Variants in MAP3K13 observed in about 807,000 individuals in gnomAD.
MAP3K13 encodes mitogen-activated protein kinase kinase kinase 13.
A neutral mutation model predicts 104.0 loss-of-function variants in MAP3K13; 52 were observed. That is an observed-to-expected ratio of 0.50 (90% CI 0.40 to 0.63). The LOEUF (loss-of-function observed/expected upper bound fraction) is 0.63. MAP3K13 is among the 20% of genes least tolerant of loss of function. The pLI, the probability that MAP3K13 is intolerant of heterozygous loss-of-function variation, is 0.00. For synonymous variants in MAP3K13, 394 were observed against 442.2 expected (o/e 0.89, Z 1.37); for missense variants, 914 against 1,218.5 (o/e 0.75, Z 3.72).
chr3:185,355,178 A>G (rs972299632), intron 2 of MAP3K13, among the ~76,000 whole-genome samples: 8 of 152,180 alleles, frequency 5.3e-5, no homozygotes, highest in Non-Finnish European at 1.0e-4. Flanking sequence ...TAATATAATG[A>G]AGATACATTA....
chr3:185,473,355 C>A lies in MAP3K13; in HGVS notation c.2024C>A (p.Pro675Gln). Residue 675 changes from proline (P) to glutamine (Q), a missense_variant, in exon 11 of 14, where the codon CCA (proline) becomes CAA (glutamine). Physicochemically the swap from Pro to Gln is moderately conservative, Grantham distance 76. Transcript: ENST00000265026. This position sits in a 1 kb window ranked among gnomAD's most constrained non-coding sequence, Gnocchi z 4.9. ...GCCAACAACCTGAGGTATTTCGGCC[C>A]AGCAGCAGCCCTGCGGAGCCCACTC... is the stretch of plus-strand genomic sequence containing the variant. ...TCANNLRYFG[P>Q]AAALRSPLSN... 1 of 1,614,218 alleles carries A rather than the reference C, an allele frequency of 6.2e-7. No homozygotes were observed. The highest frequency in any genetic ancestry group is 8.5e-7 in the Non-Finnish European group (1 of 1,180,036).
chr3:185,303,879 AT>A (rs950438907), intron 2 of MAP3K13, among the ~76,000 whole-genome samples: 16 of 149,344 alleles, frequency 1.1e-4, no homozygotes, highest in Admixed American at 2.7e-4. Flanking sequence ...TTAGTTTATA[AT>A]TTTTTTTTGG....
At chr3:185,442,637 G>C (rs2148892157) in intron 3 of MAP3K13, among the ~76,000 whole-genome samples, 1 of 150,474 alleles carries the variant, frequency 6.6e-6, no homozygotes, top group East Asian at 2.0e-4. Context: ...AGGCTCAAGT[G>C]ATTCTCTTGC....
intron 2 of MAP3K13, among the ~76,000 whole-genome samples, chr3:185,350,945 T>C (rs935750949): frequency 3.9e-5 from 6 of 152,188 alleles, no homozygotes; most frequent in African/African-American, 1.4e-4. Context: ...CTCTTCACTA[T>C]AGCACAAACG....
intron 2 of MAP3K13, among the ~76,000 whole-genome samples, chr3:185,310,687 T>G (rs1227549898): frequency 2.6e-5 from 4 of 152,006 alleles, no homozygotes; most frequent in African/African-American, 9.7e-5. Context: ...CCATAGAAGT[T>G]ATTCAAACTG....
chr3:185,488,236 A>T lies in MAP3K13; in HGVS notation c.*5780A>T, dbSNP rs560178976. ...TGACTTGTACGGTCAGTATGAATTT[A>T]GTGCCTTTCCAGGCAGCAAAATGTT... is the stretch of plus-strand genomic sequence containing the variant. On this transcript the variant is annotated 3_prime_UTR_variant, in exon 14 of 14. Transcript: ENST00000265026. 6.6e-6 allele frequency: 1 copy of T among 152,362 alleles called. No homozygotes were observed. The highest frequency in any genetic ancestry group is 1.9e-4 in the East Asian group (1 of 5,184). The allele number at this position is 152,362 out of a possible 1,614,324, so 9.4% of individuals were successfully genotyped here. A position where few individuals can be genotyped will look rare whatever the true frequency, so the allele number is the denominator to read the frequency against.
intron 13 of MAP3K13, among the ~76,000 whole-genome samples, chr3:185,481,703 C>T (rs887556021): frequency 1.3e-4 from 20 of 152,178 alleles, no homozygotes; most frequent in African/African-American, 3.4e-4. Context: ...CCTGGCAAGC[C>T]ACTTAACCTC....
At chr3:185,391,543 C>T (rs1035765663) in intron 1 of MAP3K13, among the ~76,000 whole-genome samples, 2 of 152,094 alleles carry the variant, frequency 1.3e-5, no homozygotes, top group African/African-American at 4.8e-5. Flanking sequence ...ACAGAAAGGA[C>T]CTCTAATGTA....
rs564109753 is a variant in MAP3K13, at chr3:185,418,214, T to G, written c.-85-10283T>G. Reference sequence around the variant, plus strand: ...CTCATTTTGCCTTTGCCAGCTCTCATTCGCTGAGAGGCATAGACCTTTTCG... The same window carrying G: ...CTCATTTTGCCTTTGCCAGCTCTCAGTCGCTGAGAGGCATAGACCTTTTCG... On this transcript the variant is annotated intron_variant, in intron 1 of 13. Transcript: ENST00000265026. This position sits in a 1 kb window ranked among gnomAD's most constrained non-coding sequence, Gnocchi z 4.5. The G allele has an allele frequency of 6.8e-5, 109 of 1,610,854 alleles. No individual in the cohort carries two copies. The East Asian group carries it at 2.0e-3, about 30-fold the overall frequency.
intron 2 of MAP3K13, among the ~76,000 whole-genome samples, chr3:185,353,265 C>A (rs1011537137): frequency 6.6e-6 from 1 of 152,182 alleles, no homozygotes; most frequent in Non-Finnish European, 1.5e-5. Flanking sequence ...GTGAACTTGG[C>A]AGCCCCCAGA....
intron 8 of MAP3K13, among the ~76,000 whole-genome samples, chr3:185,464,866 A>G (rs1221452863): frequency 6.6e-6 from 1 of 152,162 alleles, no homozygotes; most frequent in East Asian, 1.9e-4. Context: ...GGCACCTTCT[A>G]TGTGTCCTCA....
intron 2 of MAP3K13, among the ~76,000 whole-genome samples, chr3:185,338,580 C>T (rs1722598994): frequency 6.6e-6 from 1 of 152,118 alleles, no homozygotes; most frequent in African/African-American, 2.4e-5. Flanking sequence ...TTATGAAAAC[C>T]TTACAACTTA....
At chr3:185,472,018 TA>T (rs1327146791) in intron 10 of MAP3K13, among the ~76,000 whole-genome samples, 3 of 152,188 alleles carry the variant, frequency 2.0e-5, no homozygotes, top group African/African-American at 7.2e-5. Flanking sequence ...TGTTCAACTT[TA>T]ATTTTTCTAT....
intron 2 of MAP3K13, among the ~76,000 whole-genome samples, chr3:185,322,590 A>T (rs1452687828): frequency 6.6e-6 from 1 of 152,124 alleles, no homozygotes; most frequent in East Asian, 1.9e-4. Context: ...AATCTTTCTC[A>T]GTTATCTCAG....
intron 1 of MAP3K13, among the ~76,000 whole-genome samples, chr3:185,414,592 T>C (rs1245882038): frequency 1.3e-5 from 2 of 152,316 alleles, no homozygotes; most frequent in East Asian, 3.9e-4. Context: ...GCCTCTTGCC[T>C]ACCAAGTATA....
chr3:185,346,343 G>A (rs547858487), intron 2 of MAP3K13, among the ~76,000 whole-genome samples: 2 of 152,264 alleles, frequency 1.3e-5, no homozygotes, highest in South Asian at 4.2e-4. Context: ...TCTATATCCA[G>A]AGATAGGCAT....
intron 1 of MAP3K13, among the ~76,000 whole-genome samples, chr3:185,381,044 C>A (rs1001478457): frequency 4.0e-5 from 6 of 151,302 alleles, no homozygotes; most frequent in African/African-American, 1.5e-4. Flanking sequence ...CTCACTGCAA[C>A]CTCCGCCTCC....
intron 1 of MAP3K13, among the ~76,000 whole-genome samples, chr3:185,394,245 C>T (rs566051569): frequency 6.6e-6 from 1 of 152,360 alleles, no homozygotes; most frequent in East Asian, 1.9e-4. Context: ...CAGTAGTCCT[C>T]TGATTCACAG....
At chr3:185,334,897 C>T (rs1196589286) in intron 2 of MAP3K13, among the ~76,000 whole-genome samples, 2 of 152,140 alleles carry the variant, frequency 1.3e-5, no homozygotes, top group African/African-American at 4.8e-5. Flanking sequence ...GCATGAGCCA[C>T]CTCGCCCAGC....
Sources: gnomAD v4.1 joint callset for allele counts (sites outside exome capture counted in the v4.1 genomes callset) on GRCh38, gnomAD v4.1.1 for gene constraint, Gnocchi (gnomAD v3.1) non-coding constraint, MANE v1.5 for transcripts, NCBI Gene and HGNC (gene_info 2026-07-23, HGNC 2026-07-21) for gene names.